Variants in DPP10 observed in about 807,000 individuals in gnomAD.
DPP10 encodes dipeptidyl peptidase like 10.
Under a neutral mutation model 120.9 loss-of-function variants are expected in DPP10, and 33 were observed. That is an observed-to-expected ratio of 0.27 (90% confidence interval 0.21 to 0.37). DPP10 has a LOEUF of 0.37. Among genes scored for constraint, DPP10 ranks in the 10% least tolerant of loss-of-function variants. DPP10 has a pLI of 1.00. For missense variants in DPP10, 816 were observed against 942.8 expected, an observed-to-expected ratio of 0.87 and a Z score of 1.76; for synonymous variants, 337 against 326.1, an observed-to-expected ratio of 1.03 and a Z score of -0.36.
intron 11 of DPP10, among the ~76,000 whole-genome samples, chr2:115,761,753 T>C (rs2149789119): frequency 6.6e-6 from 1 of 152,172 alleles, no homozygotes; most frequent in Non-Finnish European, 1.5e-5. Context: ...TAATATGGAT[T>C]TAGAAAAAGA....
At chr2:115,297,040 AT>A (rs2060917572) in intron 1 of DPP10, among the ~76,000 whole-genome samples, 1 of 152,092 alleles carries the variant, frequency 6.6e-6, no homozygotes. Context: ...TAAAACTTAA[AT>A]TGATATAGAT....
intron 1 of DPP10, among the ~76,000 whole-genome samples, chr2:114,751,339 C>A (rs1283427270): frequency 6.6e-6 from 1 of 152,170 alleles, no homozygotes; most frequent in Non-Finnish European, 1.5e-5. Flanking sequence ...TGCTACCTGA[C>A]CTTTTTACAA....
intron 1 of DPP10, among the ~76,000 whole-genome samples, chr2:115,077,188 C>T (rs951334045): frequency 3.3e-5 from 5 of 152,146 alleles, no homozygotes; most frequent in Non-Finnish European, 7.3e-5. Flanking sequence ...ATCATGGCAG[C>T]TGTCGTCTAA....
At chr2:114,888,436 T>C (rs1692263013) in intron 1 of DPP10, among the ~76,000 whole-genome samples, 1 of 152,134 alleles carries the variant, frequency 6.6e-6, no homozygotes, top group Non-Finnish European at 1.5e-5. Flanking sequence ...CAAAAAAAAG[T>C]TCACGAATCT....
intron 3 of DPP10, among the ~76,000 whole-genome samples, chr2:115,382,698 C>G (rs190586014): frequency 9.2e-5 from 14 of 152,262 alleles, no homozygotes; most frequent in Admixed American, 7.9e-4. Flanking sequence ...TCAGGCAGAG[C>G]TTGAGTTGGA....
chr2:115,839,675 A>G (rs1247161962), intron 24 of DPP10, among the ~76,000 whole-genome samples: 1 of 143,902 alleles, frequency 6.9e-6, no homozygotes, highest in African/African-American at 2.7e-5. Flanking sequence ...CTCCATCTCA[A>G]AAAAAAAAAA....
intron 5 of DPP10, among the ~76,000 whole-genome samples, chr2:115,541,747 C>T (rs2079182864): frequency 6.6e-6 from 1 of 151,684 alleles, no homozygotes; most frequent in South Asian, 2.1e-4. Flanking sequence ...TAAGCTTTCT[C>T]CTGCACTATA....
chr2:115,746,269 T>C (rs977517600), intron 10 of DPP10, 86 bp downstream of exon 10: 3 of 1,156,532 alleles, frequency 2.6e-6, no homozygotes, highest in African/African-American at 3.1e-5. Flanking sequence ...AGAGATGTGA[T>C]CAGCTCAACA....
At chr2:114,682,990 G>A (rs980760087) in intron 1 of DPP10, among the ~76,000 whole-genome samples, 6 of 151,810 alleles carry the variant, frequency 4.0e-5, no homozygotes, top group Non-Finnish European at 8.8e-5. Flanking sequence ...TTTTCCATTT[G>A]GTAAACTGAA....
At chr2:115,077,735 C>G (rs1707919243) in intron 1 of DPP10, among the ~76,000 whole-genome samples, 1 of 152,204 alleles carries the variant, frequency 6.6e-6, no homozygotes, top group African/African-American at 2.4e-5. Context: ...CTGTTGCCCT[C>G]AAGAACAGCC....
chr2:114,463,250 G>A (rs1407873123), intron 1 of DPP10: 1 of 152,132 alleles, frequency 6.6e-6, no homozygotes, highest in Non-Finnish European at 1.5e-5. Flanking sequence ...TTAAGCATGA[G>A]TTCACAATGA....
intron 1 of DPP10, among the ~76,000 whole-genome samples, chr2:114,602,593 C>A (rs1290056983): frequency 6.6e-6 from 1 of 151,932 alleles, no homozygotes; most frequent in Admixed American, 6.6e-5. Context: ...TGTGTCACCA[C>A]AAGTGTCCAG....
chr2:115,802,894 G>A (rs1234416688), intron 19 of DPP10, among the ~76,000 whole-genome samples: 4 of 152,096 alleles, frequency 2.6e-5, no homozygotes, highest in African/African-American at 4.8e-5. Flanking sequence ...GTGCTGAAAA[G>A]AATGTATATT....
intron 5 of DPP10, among the ~76,000 whole-genome samples, chr2:115,618,540 A>C (rs990875404): frequency 6.6e-6 from 1 of 152,122 alleles, no homozygotes; most frequent in African/African-American, 2.4e-5. Flanking sequence ...TGCTTCCGAA[A>C]ATATTTCTGT....
intron 5 of DPP10, among the ~76,000 whole-genome samples, chr2:115,602,741 C>G (rs1320895767): frequency 6.6e-6 from 1 of 152,072 alleles, no homozygotes; most frequent in Non-Finnish European, 1.5e-5. Flanking sequence ...AGACCACGGG[C>G]CAACATCTGT....
chr2:115,754,569 G>A (rs1010461420), intron 11 of DPP10, among the ~76,000 whole-genome samples: 4 of 152,034 alleles, frequency 2.6e-5, no homozygotes, highest in Admixed American at 1.3e-4. Flanking sequence ...TACACTGTAA[G>A]GTATCAAGTT....
At chr2:115,342,225 G>T (rs913147483) in intron 2 of DPP10, 8 of 440,748 alleles carry the variant, frequency 1.8e-5, no homozygotes, top group Admixed American at 1.7e-4. Context: ...TTGAGACAAG[G>T]TCTCACCCTG....
At chr2:115,310,576 G>C (rs755129900) in intron 2 of DPP10, among the ~76,000 whole-genome samples, 1 of 152,126 alleles carries the variant, frequency 6.6e-6, no homozygotes, top group Non-Finnish European at 1.5e-5. Flanking sequence ...TAATTGGAAA[G>C]GAAGAAAGAA....
At chr2:115,819,803 G>A (rs1008522102) in intron 21 of DPP10, among the ~76,000 whole-genome samples, 1 of 152,094 alleles carries the variant, frequency 6.6e-6, no homozygotes, top group Non-Finnish European at 1.5e-5. Context: ...AGACCATCCT[G>A]ACCAACATGG....
Sources: allele counts gnomAD v4.1 joint callset (sites outside exome capture counted in the v4.1 genomes callset), GRCh38; gene constraint gnomAD v4.1.1; transcripts MANE v1.5; gene names NCBI Gene and HGNC (gene_info 2026-07-23, HGNC 2026-07-21).